The following RAB40C variants were observed in gnomAD, a reference collection of about 807,000 sequenced individuals.
RAB40C encodes the protein RAB40C, member RAS oncogene family, also known as ras-related protein Rab-40C.
In RAB40C, 8 loss-of-function variants were observed where a neutral mutation model predicts 28.1. The observed-to-expected ratio is 0.28, with a 90% confidence interval of 0.17 to 0.51. The LOEUF is 0.51. Ranked by LOEUF, RAB40C falls within the 20% of genes least tolerant of loss-of-function variation. RAB40C has a pLI of 0.97. For synonymous variants in RAB40C, 201 were observed against 171.7 expected, an observed-to-expected ratio of 1.17 and a Z score of -1.34; for missense variants, 288 against 405.9, an observed-to-expected ratio of 0.71 and a Z score of 2.50.
At position 627,713 on chromosome 16, in the gene RAB40C, G is replaced by A; in HGVS notation, c.*91G>A. On this transcript the variant is annotated 3_prime_UTR_variant, in exon 6 of 6. Transcript: ENST00000248139. ...GCCAGGCCAGTGCCGCCTACGTGGA[G>A]ACTGTCCACACAGCTGCCTCAGAAG... 1 of 1,411,024 alleles carries A rather than the reference G, an allele frequency of 7.1e-7. No individual in the cohort carries two copies. Among genetic ancestry groups the A allele is most frequent in the Non-Finnish European group, 9.4e-7 (1 of 1,059,606 alleles). The allele number at this position is 1,411,024 out of a possible 1,614,324, so 87.4% of individuals were successfully genotyped here.
chr16:618,355 C>A (rs2036633135), intron 3 of RAB40C, 95 bp downstream of exon 3: 2 of 1,230,052 alleles, frequency 1.6e-6, no homozygotes, highest in South Asian at 2.9e-5. Context: ...CTCCCAAGGA[C>A]TTTCTTTCTT....
chr16:613,999 C>T (rs1596409633), intron 1 of RAB40C, among the ~76,000 whole-genome samples: 1 of 152,218 alleles, frequency 6.6e-6, no homozygotes, highest in Admixed American at 6.6e-5. Context: ...AAGGCTGCGG[C>T]CTCTACTGCA....
At position 627,833 on chromosome 16, in the gene RAB40C, G is replaced by A. The variant is rs1316234422; in HGVS notation, c.*211G>A. On this transcript the variant is annotated 3_prime_UTR_variant, in exon 6 of 6. Coordinates refer to ENST00000248139, the MANE Select transcript of RAB40C (RefSeq NM_021168.5). ...AGGAGGGGGCGCGGCTGGGCTGCTG[G>A]TGCTTCCGGGAATCTTGGTCGGAAA... 3.9e-6 allele frequency: 2 copies of A among 508,266 alleles called. No homozygotes were observed. Among genetic ancestry groups the A allele is most frequent in the Admixed American group, 3.9e-5 (1 of 25,554 alleles). The allele number at this position is 508,266 out of a possible 1,614,324, so 31.5% of individuals were successfully genotyped here.
rs2036855946 is a variant in RAB40C, at chr16:627,152, G to C, written c.566-190G>C. Among the ~76,000 whole-genome samples the C allele has an allele frequency of 1.3e-5, 2 of 152,216 alleles. 1 individual carries two copies. The highest frequency in any genetic ancestry group is 4.1e-4 in the South Asian group (2 of 4,838). On this transcript the variant is annotated intron_variant, in intron 5 of 5. Coordinates refer to ENST00000248139, the MANE Select transcript of RAB40C (RefSeq NM_021168.5). ...CCTGGCTTTAGGGAGCAAGGCAGGG[G>C]ATGGGGTGCCAGTGGACACATCTGT... is the stretch of plus-strand genomic sequence containing the variant.
At chr16:607,484 C>T (rs146977233) in intron 1 of RAB40C, among the ~76,000 whole-genome samples, 15 of 137,452 alleles carry the variant, frequency 1.1e-4, no homozygotes, top group Non-Finnish European at 1.5e-4. Context: ...GCCTGGACAA[C>T]GAGAGTGAAA....
chr16:611,191 C>T (rs191779521), intron 1 of RAB40C, among the ~76,000 whole-genome samples: 4 of 152,284 alleles, frequency 2.6e-5, no homozygotes, highest in African/African-American at 7.2e-5. Flanking sequence ...GGGTGGGTGA[C>T]GTGGTCCCCA....
At chr16:591,333 G>A (rs2035992263) in intron 1 of RAB40C, among the ~76,000 whole-genome samples, 1 of 151,976 alleles carries the variant, frequency 6.6e-6, no homozygotes, top group Non-Finnish European at 1.5e-5. Context: ...ATCATCTGGG[G>A]TCCGAGGGAA....
At chr16:601,592 T>C (rs1854510773) in intron 1 of RAB40C, among the ~76,000 whole-genome samples, 1 of 152,142 alleles carries the variant, frequency 6.6e-6, no homozygotes, top group South Asian at 2.1e-4. Flanking sequence ...ATGCATGCAG[T>C]GTTCAGACAG....
At chr16:601,063 A>G (rs1412010392) in intron 1 of RAB40C, among the ~76,000 whole-genome samples, 1 of 152,182 alleles carries the variant, frequency 6.6e-6, no homozygotes, top group Non-Finnish European at 1.5e-5. Context: ...CCTGGTCATT[A>G]GCGTTAAAGC....
chr16:617,628 AG>A (rs3838961), intron 2 of RAB40C, among the ~76,000 whole-genome samples: 35,707 of 151,998 alleles, frequency 0.23, 5,038 homozygotes, highest in East Asian at 0.62. Context: ...GGATCACCTG[AG>A]GTCAGGAGTC....
rs2036881191 is a variant in RAB40C at position 628,161 on chromosome 16, AGCTT to A, written c.*541_*544del. ...AGACAGGGCCGGTGCTCCCTCTGGA[AGCTT>A]GGGTGACCGGGGCCCTGGCTCCCAC... On this transcript the variant is annotated 3_prime_UTR_variant, in exon 6 of 6. Transcript: ENST00000248139. 1 of 152,574 alleles carries A rather than the reference AGCTT, an allele frequency of 6.6e-6. No individual in the cohort carries two copies. 9.5% of individuals were successfully genotyped at this position (152,574 alleles called of 1,614,324 possible). A position where few individuals can be genotyped will look rare whatever the true frequency, so the allele number is the denominator to read the frequency against.
At position 627,553 on chromosome 16, in the gene RAB40C, G is replaced by A; in HGVS notation, c.777G>A (p.Arg259=). 6.2e-7 allele frequency: 1 copy of A among 1,613,136 alleles called. No homozygotes were observed. Among genetic ancestry groups the A allele is most frequent in the Non-Finnish European group, 8.5e-7 (1 of 1,179,636 alleles). Residue 259 remains arginine (R), a synonymous_variant, in exon 6 of 6, where the codon AGG becomes AGA. Coordinates refer to ENST00000248139, the MANE Select transcript of RAB40C (RefSeq NM_021168.5). ...GCAGCAAGGGCAACAGCCTCAAGAG[G>A]TCCAAGTCCATCCGTCCACCCCAGA... ...GGGSKGNSLK[R]SKSIRPPQSP...
At chr16:594,875 A>C (rs1222611149) in intron 1 of RAB40C, among the ~76,000 whole-genome samples, 1 of 146,312 alleles carries the variant, frequency 6.8e-6, no homozygotes, top group African/African-American at 2.6e-5. Context: ...GCTGGAGTGC[A>C]GTGGCGCGAT....
chr16:598,061 A>C (rs893991700), intron 1 of RAB40C, among the ~76,000 whole-genome samples: 9 of 151,868 alleles, frequency 5.9e-5, no homozygotes, highest in African/African-American at 2.2e-4. Context: ...CCTGGCCAAC[A>C]TGATGAAACC....
At chr16:611,332 G>T (rs764469761) in intron 1 of RAB40C, among the ~76,000 whole-genome samples, 1 of 152,186 alleles carries the variant, frequency 6.6e-6, no homozygotes, top group Admixed American at 6.5e-5. Context: ...TGTTGCTGGC[G>T]CCTGCCTGCT....
rs1010088714 is a variant in RAB40C, at chr16:610,328, G to A, written c.143-6880G>A. ...GGCTGAGAGGCAGCGCCTGGCTGGG[G>A]CTAGATGAACAAGAGGGTTATTGGG... On this transcript the variant is annotated intron_variant, in intron 1 of 5. Coordinates refer to ENST00000248139, the MANE Select transcript of RAB40C (RefSeq NM_021168.5). This position sits in a 1 kb window ranked among gnomAD's most constrained non-coding sequence, Gnocchi z 4.6. Among the ~76,000 whole-genome samples the A allele has an allele frequency of 1.3e-5, 2 of 151,764 alleles. No homozygotes were observed. Among genetic ancestry groups the A allele is most frequent in the Admixed American group, 6.6e-5 (1 of 15,252 alleles).
At chr16:609,626 A>G (rs2036439175) in intron 1 of RAB40C, among the ~76,000 whole-genome samples, 1 of 152,202 alleles carries the variant, frequency 6.6e-6, no homozygotes, top group African/African-American at 2.4e-5. Flanking sequence ...GTCATCAGAG[A>G]TACCGCATCC....
At chr16:627,251 C>G in intron 5 of RAB40C, 91 bp from the exon 6 acceptor site, 2 of 1,321,024 alleles carry the variant, frequency 1.5e-6, no homozygotes, top group Non-Finnish European at 2.1e-6. Context: ...GTGTGGAGAC[C>G]CCGCCAGGCT....
At chr16:605,766 G>A (rs549429800) in intron 1 of RAB40C, among the ~76,000 whole-genome samples, 10 of 152,284 alleles carry the variant, frequency 6.6e-5, no homozygotes, top group South Asian at 4.1e-4. Flanking sequence ...TCTCAGACGC[G>A]TTTGGTCAAC....
Sources: gnomAD v4.1 joint callset for allele counts (sites outside exome capture counted in the v4.1 genomes callset) on GRCh38, gnomAD v4.1.1 for gene constraint, Gnocchi (gnomAD v3.1) non-coding constraint, MANE v1.5 for transcripts, NCBI Gene and HGNC (gene_info 2026-07-23, HGNC 2026-07-21) for gene names.